Variants in SLC14A2 observed in about 807,000 individuals in gnomAD.
SLC14A2 encodes the protein solute carrier family 14 member 2.
In SLC14A2, 91 loss-of-function variants were observed where a neutral mutation model predicts 104.6. The ratio of observed to expected loss-of-function variants is 0.87; its 90% CI spans 0.73 to 1.04. The LOEUF (loss-of-function observed/expected upper bound fraction) is 1.04, where lower values mean the gene tolerates loss of function less well. Among genes scored for constraint, SLC14A2 ranks in the 50% least tolerant of loss-of-function variants. The probability of loss-of-function intolerance (pLI) is 0.00; values close to 1 mark genes in which losing one functional copy is unlikely to be tolerated. For missense variants in SLC14A2, 1,189 were observed against 1,156.0 expected, an observed-to-expected ratio of 1.03 and a Z score of -0.41; for synonymous variants, 476 against 466.4, an observed-to-expected ratio of 1.02 and a Z score of -0.27.
chr18:45,427,526 G>A (rs934367124), intron 1 of SLC14A2, among the ~76,000 whole-genome samples: 1 of 152,170 alleles, frequency 6.6e-6, no homozygotes, highest in African/African-American at 2.4e-5. Flanking sequence ...TACATGGTGT[G>A]TGTGTGCACA....
chr18:45,234,776 C>A (rs1193221419), intron 1 of SLC14A2, among the ~76,000 whole-genome samples: 2 of 152,158 alleles, frequency 1.3e-5, no homozygotes, highest in Non-Finnish European at 2.9e-5. Flanking sequence ...GTTTCTAGAA[C>A]CAAACTCTAT....
chr18:45,680,980 C>T (rs971734894), intron 19 of SLC14A2, among the ~76,000 whole-genome samples: 10 of 152,072 alleles, frequency 6.6e-5, no homozygotes, highest in African/African-American at 2.4e-4. Flanking sequence ...CCAAGACGCA[C>T]CCAACGGTGC....
At chr18:45,201,828 T>C in the SLC14A2 span, among the ~76,000 whole-genome samples, 2 of 152,112 alleles carry the variant, frequency 1.3e-5, no homozygotes, top group African/African-American at 2.4e-5. Context: ...AATGACCTTA[T>C]AAAATCATTA....
At chr18:45,583,772 A>G (rs1320248957) in intron 2 of SLC14A2, among the ~76,000 whole-genome samples, 2 of 152,194 alleles carry the variant, frequency 1.3e-5, no homozygotes, top group Non-Finnish European at 2.9e-5. Context: ...CCCAATTTCC[A>G]TGGTATAAAA....
intron 2 of SLC14A2, among the ~76,000 whole-genome samples, chr18:45,518,236 C>T (rs1361564440): frequency 6.6e-6 from 1 of 152,182 alleles, no homozygotes; most frequent in Non-Finnish European, 1.5e-5. Context: ...ACAGCTGATG[C>T]AAACAGAGTC....
At chr18:45,478,778 GAA>G (rs879507774) in intron 1 of SLC14A2, among the ~76,000 whole-genome samples, 1 of 142,284 alleles carries the variant, frequency 7.0e-6, no homozygotes, top group Admixed American at 7.0e-5. Context: ...CCTTTTTCCA[GAA>G]AAAAAAAAAG....
chr18:45,625,737 GA>G lies in SLC14A2; in HGVS notation c.208del (p.Arg70GlyfsTer33). On this transcript the variant is annotated frameshift_variant, in exon 3 of 20. Transcript: ENST00000255226. LOFTEE classifies it high-confidence loss of function. Reference sequence around the variant, plus strand: ...CATTGTGAAGATCGAAAAGCTCAATGAAAGGAGTAAAAGGAAAGACGACGGG... The same window carrying G: ...CATTGTGAAGATCGAAAAGCTCAATGAAGGAGTAAAAGGAAAGACGACGGG... ...SHIVKIEKLN[E>X]RSKRKDDGVA... 1.3e-6 allele frequency: 2 copies of G among 1,566,052 alleles called. No homozygotes were observed. The highest frequency in any genetic ancestry group is 2.4e-5 in the East Asian group (1 of 40,956).
chr18:45,464,532 G>A lies in SLC14A2; in HGVS notation c.-124-18701G>A, dbSNP rs191504577. Among the ~76,000 whole-genome samples the A allele has an allele frequency of 2.2e-3, 339 of 152,332 alleles. 1 individual carries two copies. Among genetic ancestry groups the A allele is most frequent in the African/African-American group, 7.5e-3 (311 of 41,574 alleles). On this transcript the variant is annotated intron_variant, in intron 1 of 20. Coordinates refer to the SLC14A2 transcript ENST00000586448. ...CAAAAGCCACTTTTGAAAAAAAGAA[G>A]CAAAGAAATAAAGCCCGGCATGAGT...
intron 1 of SLC14A2, among the ~76,000 whole-genome samples, chr18:45,465,885 TAA>T (rs2087132555): frequency 6.6e-6 from 1 of 151,798 alleles, no homozygotes; most frequent in Non-Finnish European, 1.5e-5. Context: ...GTTGCAAATA[TAA>T]GAGATGTCTG....
At chr18:45,201,106 G>A in the SLC14A2 span, among the ~76,000 whole-genome samples, 6 of 152,034 alleles carry the variant, frequency 3.9e-5, no homozygotes, top group Admixed American at 3.9e-4. Flanking sequence ...TTAATTCTGA[G>A]TAGAGTGGTG....
At position 45,673,858 on chromosome 18, in the gene SLC14A2, G is replaced by C. The variant is rs181855696; in HGVS notation, c.2512+41G>C. 1.4e-4 allele frequency: 217 copies of C among 1,591,248 alleles called. No individual in the cohort carries two copies. The African/African-American group carries it at 1.4e-3, about 10-fold the overall frequency. On this transcript the variant is annotated intron_variant, in intron 18 of 19. Transcript: ENST00000255226. ...AGAGGATTTGTTTCCTTTATAAAAG[G>C]CTTTTTACATAAAACTGTTTTTTTA...
At chr18:45,310,691 T>C (rs1382935303) in intron 1 of SLC14A2, among the ~76,000 whole-genome samples, 6 of 152,234 alleles carry the variant, frequency 3.9e-5, no homozygotes, top group Non-Finnish European at 7.3e-5. Flanking sequence ...CTTTCGGAGA[T>C]GTAAGTGACA....
intron 1 of SLC14A2, among the ~76,000 whole-genome samples, chr18:45,387,410 A>G (rs951619212): frequency 5.9e-5 from 9 of 152,194 alleles, no homozygotes; most frequent in African/African-American, 1.9e-4. Flanking sequence ...AAGGAGAAAC[A>G]GATATTTATG....
intron 1 of SLC14A2, among the ~76,000 whole-genome samples, chr18:45,374,855 G>A (rs2085757522): frequency 6.6e-6 from 1 of 152,148 alleles, no homozygotes; most frequent in African/African-American, 2.4e-5. Context: ...CAAACAAAAA[G>A]CATCTGATCC....
chr18:45,586,653 G>A (rs1185961632), intron 2 of SLC14A2, among the ~76,000 whole-genome samples: 3 of 152,106 alleles, frequency 2.0e-5, no homozygotes, highest in Non-Finnish European at 2.9e-5. Flanking sequence ...GTGCCCCAGC[G>A]TACTGCAAGC....
chr18:45,395,121 G>A (rs925082031), intron 1 of SLC14A2, among the ~76,000 whole-genome samples: 1 of 152,042 alleles, frequency 6.6e-6, no homozygotes, highest in African/African-American at 2.4e-5. Flanking sequence ...GCCAAGAGAT[G>A]GAAACAACCT....
intron 2 of SLC14A2, among the ~76,000 whole-genome samples, chr18:45,539,966 G>A (rs947074458): frequency 6.6e-6 from 1 of 152,030 alleles, no homozygotes; most frequent in Non-Finnish European, 1.5e-5. Flanking sequence ...ATGTGAAACA[G>A]GGAATGTCAA....
intron 2 of SLC14A2, among the ~76,000 whole-genome samples, chr18:45,570,239 C>T (rs151332097): frequency 2.1e-3 from 318 of 152,284 alleles, no homozygotes; most frequent in Non-Finnish European, 3.3e-3. Flanking sequence ...TGTCACTCAA[C>T]CACCCTGGGC....
At chr18:45,530,612 T>C (rs1287976559) in intron 2 of SLC14A2, among the ~76,000 whole-genome samples, 1 of 152,134 alleles carries the variant, frequency 6.6e-6, no homozygotes, top group African/African-American at 2.4e-5. Flanking sequence ...TGTCAAACAA[T>C]GGCCAATAAA....
Sources: allele counts gnomAD v4.1 joint callset (sites outside exome capture counted in the v4.1 genomes callset), GRCh38; gene constraint gnomAD v4.1.1; transcripts MANE v1.5; gene names NCBI Gene and HGNC (gene_info 2026-07-23, HGNC 2026-07-21).